Variants in EXTL1 observed in about 807,000 individuals in gnomAD.
EXTL1 encodes the protein exostosin like glycosyltransferase 1.
A neutral mutation model predicts 64.6 loss-of-function variants in EXTL1; 43 were observed. The observed-to-expected ratio is 0.67, with a 90% CI of 0.52 to 0.86. The LOEUF (loss-of-function observed/expected upper bound fraction) is 0.86, where lower values mean the gene tolerates loss of function less well. Ranked by LOEUF, EXTL1 falls within the 40% of genes least tolerant of loss-of-function variation. EXTL1 has a pLI of 0.00. For synonymous variants in EXTL1, 352 were observed against 360.5 expected (o/e 0.98, Z 0.27); for missense variants, 766 against 879.0 (o/e 0.87, Z 1.62).
At chr1:26,029,143 G>A (rs752502364) in intron 1 of EXTL1, 50 bp from the exon 2 acceptor site, 5 of 1,417,218 alleles carry the variant, frequency 3.5e-6, no homozygotes, top group South Asian at 1.2e-5. Flanking sequence ...GGGGGCGAAG[G>A]TCACTGTCCA....
In EXTL1 at chr1:26,029,650, C is replaced by T. The variant is rs749850715; in HGVS notation, c.924C>T (p.Ser308=). The T allele has an allele frequency of 6.8e-6, 11 of 1,612,154 alleles. No homozygotes were observed. The highest frequency in any genetic ancestry group is 1.7e-5 in the Admixed American group (1 of 59,936). The change falls in exon 3 of 11, where the codon TCC becomes TCT. Residue 308 remains serine, a synonymous_variant. Coordinates refer to ENST00000374280, the MANE Select transcript of EXTL1 (RefSeq NM_004455.3). The stretch of plus-strand genomic sequence containing the variant: ...GCCCCCGCTGGGAGCTGCCCTTCTC[C>T]GAGGTCATCGACTGGACCAAGGCAG... ...LLSPRWELPF[S]EVIDWTKAAI...
At position 26,035,477 on chromosome 1, in the gene EXTL1, C is replaced by G; in HGVS notation, c.*130C>G. On this transcript the variant is annotated 3_prime_UTR_variant, in exon 11 of 11. Transcript: ENST00000374280. The surrounding 1 kb of genome is among the most constrained non-coding windows in gnomAD (Gnocchi z 5.3). ...TCAGCCAGCGGGCCCACACGTCGGA[C>G]CCCGGTTGGCCAATCACAACAGGGG... 1.2e-6 allele frequency: 1 copy of G among 807,606 alleles called. No homozygotes were observed. Among genetic ancestry groups the G allele is most frequent in the South Asian group, 2.1e-5 (1 of 48,498 alleles). The allele number at this position is 807,606 out of a possible 1,614,324, so 50.0% of individuals were successfully genotyped here.
At chr1:26,031,399 G>A in intron 5 of EXTL1, 61 bp from the exon 6 acceptor site, 1 of 1,372,456 alleles carries the variant, frequency 7.3e-7, no homozygotes, top group Non-Finnish European at 1.0e-6. Context: ...TCCCTACTCA[G>A]GTCATTCTTC....
At position 26,034,713 on chromosome 1, in the gene EXTL1, G is replaced by A; in HGVS notation, c.1680-123G>A. On this transcript the variant is annotated intron_variant, in intron 9 of 10. Coordinates refer to ENST00000374280, the MANE Select transcript of EXTL1 (RefSeq NM_004455.3). This position sits in a 1 kb window ranked among gnomAD's most constrained non-coding sequence, Gnocchi z 4.6. Reference sequence around the variant, plus strand: ...CACGCCAGGGATGGGAGCTCTCTGAGGCAGCCAGGGCTCAGAGGCTTGGGG... The same window carrying A: ...CACGCCAGGGATGGGAGCTCTCTGAAGCAGCCAGGGCTCAGAGGCTTGGGG... 1 of 965,108 alleles carries A rather than the reference G, an allele frequency of 1.0e-6. No individual in the cohort carries two copies. Among genetic ancestry groups the A allele is most frequent in the Non-Finnish European group, 1.6e-6 (1 of 634,404 alleles). The allele number at this position is 965,108 out of a possible 1,614,324, so 59.8% of individuals were successfully genotyped here. A position where few individuals can be genotyped will look rare whatever the true frequency, so the allele number is the denominator to read the frequency against.
chr1:26,035,530 C>T lies in EXTL1; in HGVS notation c.*183C>T. 2 of 483,418 alleles carry T rather than the reference C, an allele frequency of 4.1e-6. No homozygotes were observed. Among genetic ancestry groups the T allele is most frequent in the Non-Finnish European group, 7.2e-6 (2 of 276,308 alleles). 29.9% of individuals were successfully genotyped at this position (483,418 alleles called of 1,614,324 possible). On this transcript the variant is annotated 3_prime_UTR_variant, in exon 11 of 11. Coordinates refer to ENST00000374280, the MANE Select transcript of EXTL1 (RefSeq NM_004455.3). The surrounding 1 kb of genome is among the most constrained non-coding windows in gnomAD (Gnocchi z 5.3). ...CGTGGCCTTACCTTCTCCTGCTCGC[C>T]CTCAGCCGCGGAGCCTCTGCGGAGG... is the stretch of plus-strand genomic sequence containing the variant.
Position 26,034,647 on chromosome 1 carries a change from C to T in EXTL1, c.1680-189C>T, listed in dbSNP as rs928084682. On this transcript the variant is annotated intron_variant, in intron 9 of 10. Coordinates refer to ENST00000374280, the MANE Select transcript of EXTL1 (RefSeq NM_004455.3). This position sits in a 1 kb window ranked among gnomAD's most constrained non-coding sequence, Gnocchi z 4.6. Reference sequence around the variant, plus strand: ...GAGAGGGCAGGGAACACACCACTAACTGCAGATAAGCCACGGGGCACAGCA... The same window carrying T: ...GAGAGGGCAGGGAACACACCACTAATTGCAGATAAGCCACGGGGCACAGCA... Among the ~76,000 whole-genome samples the T allele has an allele frequency of 1.3e-5, 2 of 152,206 alleles. No homozygotes were observed. Among genetic ancestry groups the T allele is most frequent in the Non-Finnish European group, 2.9e-5 (2 of 68,034 alleles).
rs945458593 is a variant in EXTL1, at chr1:26,022,473, A to G, written c.-174A>G. 2 of 567,902 alleles carry G rather than the reference A, an allele frequency of 3.5e-6. No individual in the cohort carries two copies. Among genetic ancestry groups the G allele is most frequent in the Admixed American group, 7.1e-5 (2 of 28,196 alleles). 35.2% of individuals were successfully genotyped at this position (567,902 alleles called of 1,614,324 possible). On this transcript the variant is annotated 5_prime_UTR_variant, in exon 1 of 11. Transcript: ENST00000374280. ...CCTCCTGCCTGGCTGGTGACTCACT[A>G]TCTGACCTTAGACAGGCGGCCTGGT...
At chr1:26,030,691 C>CA in intron 4 of EXTL1, 96 bp downstream of exon 4, 1 of 1,366,060 alleles carries the variant, frequency 7.3e-7, no homozygotes, top group Non-Finnish European at 9.8e-7. Context: ...TGGGGAACCC[C>CA]CCCCCCTTCC....
chr1:26,026,296 A>C (rs1281479295), intron 1 of EXTL1, among the ~76,000 whole-genome samples: 3 of 30,312 alleles, frequency 9.9e-5, no homozygotes, highest in Non-Finnish European at 1.7e-4. Flanking sequence ...AGAAGAAAAA[A>C]ATTTTTTTTT....
chr1:26,024,639 A>G (rs1380612319), intron 1 of EXTL1, among the ~76,000 whole-genome samples: 3 of 151,906 alleles, frequency 2.0e-5, no homozygotes, highest in African/African-American at 7.3e-5. Context: ...TTTTGCTGGG[A>G]CCTATCCCTA....
intron 2 of EXTL1, 58 bp from the exon 3 acceptor site, chr1:26,029,542 G>T: frequency 3.9e-6 from 4 of 1,027,738 alleles, no homozygotes; most frequent in South Asian, 2.8e-5. Flanking sequence ...GGAACTGGGC[G>T]GGGGGTGAGT....
In EXTL1 at chr1:26,035,251, GC is replaced by G; in HGVS notation, c.1938del (p.Leu647CysfsTer116). The G allele has an allele frequency of 6.2e-7, 1 of 1,613,654 alleles. No homozygotes were observed. Among genetic ancestry groups the G allele is most frequent in the Non-Finnish European group, 8.5e-7 (1 of 1,179,934 alleles). Reference protein sequence around the residue: ...NQIAAAFGHMPLLSSRLRLDP... With the variant: ...NQIAAAFGHMXLLSSRLRLDP... ...AGATAGCGGCAGCGTTCGGCCACATGCCCTTGCTGTCCTCTCGTCTGCGTCT... is the reference window on the plus strand; with the variant it reads ...AGATAGCGGCAGCGTTCGGCCACATGCCTTGCTGTCCTCTCGTCTGCGTCT... On this transcript the variant is annotated frameshift_variant, in exon 11 of 11. Coordinates refer to ENST00000374280, the MANE Select transcript of EXTL1 (RefSeq NM_004455.3). LOFTEE classifies it high-confidence loss of function. This position sits in a 1 kb window ranked among gnomAD's most constrained non-coding sequence, Gnocchi z 5.3.
chr1:26,031,215 T>C lies in EXTL1; in HGVS notation c.1185T>C (p.Ser395=). The C allele has an allele frequency of 6.2e-7, 1 of 1,614,028 alleles. No homozygotes were observed. ...CCCCAGGGGCACTCCTGGCCCTGTC[T>C]ACTTTTTCCACAAGCCCCCAGGACT... ...NSPPGALLAL[S]TFSTSPQDFP... Residue 395 remains serine (S), a synonymous_variant, in exon 5 of 11, where the codon TCT becomes TCC. Coordinates refer to ENST00000374280, the MANE Select transcript of EXTL1 (RefSeq NM_004455.3).
rs2050167668 is a variant in EXTL1, at chr1:26,022,856, ACCT to A, written c.215_217del (p.Pro72del). Reference sequence around the variant, plus strand: ...GAGAGCTCCCAGAAGATGCCGTTTCACCTCCTCAAGCCCCTCATGGTGGCAGCT... The same window carrying A: ...GAGAGCTCCCAGAAGATGCCGTTTCACCTCAAGCCCCTCATGGTGGCAGCT... On this transcript the variant is annotated inframe_deletion, in exon 1 of 11. Coordinates refer to ENST00000374280, the MANE Select transcript of EXTL1 (RefSeq NM_004455.3). 6.2e-7 allele frequency: 1 copy of A among 1,613,574 alleles called. No homozygotes were observed. Among genetic ancestry groups the A allele is most frequent in the Admixed American group, 1.7e-5 (1 of 59,960 alleles).
chr1:26,033,871 C>G lies in EXTL1; in HGVS notation c.1679+15C>G. ...TTCTACCATAGGTACAGACCCCTAC[C>G]CTGCACAGGGATCAGAGTATCAGAG... On this transcript the variant is annotated intron_variant, in intron 9 of 10. Transcript: ENST00000374280. The surrounding 1 kb of genome is among the most constrained non-coding windows in gnomAD (Gnocchi z 5.1). 11 of 1,605,956 alleles carry G rather than the reference C, an allele frequency of 6.8e-6. No homozygotes were observed. The highest frequency in any genetic ancestry group is 9.4e-6 in the Non-Finnish European group (11 of 1,175,254).
In EXTL1 at chr1:26,035,944, G is replaced by C. The variant is rs1379608965; in HGVS notation, c.*597G>C. ...CCGCCACCCATTCCTAGGGTTCCTA[G>C]TCCCGGGAAGGCAACTACCCAAAGA... On this transcript the variant is annotated 3_prime_UTR_variant, in exon 11 of 11. Transcript: ENST00000374280. This position sits in a 1 kb window ranked among gnomAD's most constrained non-coding sequence, Gnocchi z 5.3. The C allele has an allele frequency of 6.6e-6, 1 of 152,560 alleles. No individual in the cohort carries two copies. Among genetic ancestry groups the C allele is most frequent in the Non-Finnish European group, 1.5e-5 (1 of 68,068 alleles). 9.5% of individuals were successfully genotyped at this position (152,560 alleles called of 1,614,324 possible).
At position 26,024,710 on chromosome 1, in the gene EXTL1, C is replaced by T. The variant is rs568933359; in HGVS notation, c.779+1285C>T. Among the ~76,000 whole-genome samples, 16 of 152,338 alleles carry T rather than the reference C, an allele frequency of 1.1e-4. No homozygotes were observed. The South Asian group carries it at 2.1e-3, about 20-fold the overall frequency. The stretch of plus-strand genomic sequence containing the variant: ...TCTCCCCCAAGCCCCTGCAGCTCAG[C>T]GCTCAGGCAGAAGCTCACTTTGAGC... On this transcript the variant is annotated intron_variant, in intron 1 of 10. Coordinates refer to ENST00000374280, the MANE Select transcript of EXTL1 (RefSeq NM_004455.3).
rs1004726552 is a variant in EXTL1, at chr1:26,034,285, G to A, written c.1679+429G>A. Among the ~76,000 whole-genome samples, 18 of 152,190 alleles carry A rather than the reference G, an allele frequency of 1.2e-4. No homozygotes were observed. Among genetic ancestry groups the A allele is most frequent in the Admixed American group, 9.8e-4 (15 of 15,274 alleles). ...CTGCCTGAAGTGCTCCGGTCTTAGG[G>A]CAGAGACTGAATTCTGTAAGACCTC... On this transcript the variant is annotated intron_variant, in intron 9 of 10. Transcript: ENST00000374280. This position sits in a 1 kb window ranked among gnomAD's most constrained non-coding sequence, Gnocchi z 4.6.
At chr1:26,031,090 C>A in intron 4 of EXTL1, 42 bp from the exon 5 acceptor site, 1 of 1,613,026 alleles carries the variant, frequency 6.2e-7, no homozygotes, top group South Asian at 1.1e-5. Flanking sequence ...TGGCCATGGT[C>A]ACACAGGCCA....
Sources: allele counts gnomAD v4.1 joint callset (sites outside exome capture counted in the v4.1 genomes callset), GRCh38; gene constraint gnomAD v4.1.1; non-coding constraint Gnocchi (gnomAD v3.1); transcripts MANE v1.5; gene names NCBI Gene and HGNC (gene_info 2026-07-23, HGNC 2026-07-21).